Variants in GIGYF2 observed in about 807,000 individuals in gnomAD.
GIGYF2 encodes GRB10 interacting GYF protein 2.
In GIGYF2, 25 loss-of-function variants were observed where a neutral mutation model predicts 208.1. The observed-to-expected ratio is 0.12, with a 90% CI of 0.09 to 0.17. The LOEUF is 0.17. Ranked by LOEUF, GIGYF2 falls within the 10% of genes least tolerant of loss-of-function variation. GIGYF2 has a pLI of 1.00. For synonymous variants in GIGYF2, 534 were observed against 543.8 expected, an observed-to-expected ratio of 0.98 and a Z score of 0.25; for missense variants, 1,302 against 1,579.4, an observed-to-expected ratio of 0.82 and a Z score of 2.98.
intron 2 of GIGYF2, among the ~76,000 whole-genome samples, chr2:232,708,532 T>G (rs1696236065): frequency 6.6e-6 from 1 of 151,876 alleles, no homozygotes; most frequent in African/African-American, 2.4e-5. Context: ...CAGAGAGATG[T>G]GGGTTTGATC....
At position 232,814,398 on chromosome 2, in the gene GIGYF2, T is replaced by G. The variant is rs1700838935; in HGVS notation, c.2108-1239T>G. 2.6e-5 allele frequency among the ~76,000 whole-genome samples: 4 copies of G among 151,476 alleles called. No homozygotes were observed. In the South Asian group the frequency reaches 8.4e-4, roughly 32 times the overall value. ...CAAGATGGTGAAACCCCATCTCTAC[T>G]AAAAATAAAAAAAAATTAGCCAGGT... On this transcript the variant is annotated intron_variant, in intron 18 of 28. Transcript: ENST00000373563.
chr2:232,729,441 T>G, intron 2 of GIGYF2: 2 of 673,462 alleles, frequency 3.0e-6, no homozygotes, highest in Non-Finnish European at 4.4e-6. Flanking sequence ...GATAATTAAA[T>G]AACTTGGTTT....
chr2:232,762,628 CTAAG>C (rs1698792827), intron 8 of GIGYF2, among the ~76,000 whole-genome samples: 2 of 152,086 alleles, frequency 1.3e-5, no homozygotes, highest in Admixed American at 6.5e-5. Flanking sequence ...GTTTTAAAAA[CTAAG>C]TAATTTTAAC....
intron 19 of GIGYF2, 66 bp from the exon 20 acceptor site, chr2:232,816,805 T>C: frequency 8.4e-7 from 1 of 1,185,778 alleles, no homozygotes; most frequent in East Asian, 2.3e-5. Flanking sequence ...ATACTACTGG[T>C]CAGTGCTTTC....
intron 22 of GIGYF2, among the ~76,000 whole-genome samples, chr2:232,837,017 C>A (rs906266644): frequency 1.3e-5 from 2 of 152,190 alleles, no homozygotes; most frequent in Non-Finnish European, 2.9e-5. Flanking sequence ...AGAATAGTAG[C>A]CTCAGGTATT....
chr2:232,781,048 C>G (rs1280250212), intron 8 of GIGYF2, among the ~76,000 whole-genome samples: 1 of 152,022 alleles, frequency 6.6e-6, no homozygotes, highest in Non-Finnish European at 1.5e-5. Flanking sequence ...ACCTCCACCT[C>G]CCGGGTTCAA....
intron 14 of GIGYF2, among the ~76,000 whole-genome samples, chr2:232,802,173 G>A (rs1700419003): frequency 6.6e-6 from 1 of 151,396 alleles, no homozygotes; most frequent in African/African-American, 2.4e-5. Context: ...TAGAAAAAAA[G>A]AATCTAGAAT....
intron 8 of GIGYF2, among the ~76,000 whole-genome samples, chr2:232,785,468 A>G (rs1171751356): frequency 1.3e-5 from 2 of 152,214 alleles, no homozygotes; most frequent in Non-Finnish European, 2.9e-5. Context: ...AAGCTTCTCC[A>G]CGAGGTCTGT....
chr2:232,749,581 G>A (rs1303132653), intron 5 of GIGYF2, among the ~76,000 whole-genome samples: 1 of 152,040 alleles, frequency 6.6e-6, no homozygotes, highest in African/African-American at 2.4e-5. Context: ...AGCGAATTTA[G>A]TGTTGTTCCT....
rs964607816 is a variant in GIGYF2 at position 232,789,747 on chromosome 2, A to G, written c.713-951A>G. Among the ~76,000 whole-genome samples the G allele has an allele frequency of 2.0e-5, 3 of 152,094 alleles. No individual in the cohort carries two copies. In the East Asian group the frequency reaches 5.8e-4, roughly 29 times the overall value. On this transcript the variant is annotated intron_variant, in intron 9 of 28. Coordinates refer to ENST00000373563, the MANE Select transcript of GIGYF2 (RefSeq NM_001103146.3). Reference sequence around the variant, plus strand: ...TCCCCCACAGAGAAAGCAGTCAAGGATGGAAAATTCTAATAGGTTAAAGCC... The same window carrying G: ...TCCCCCACAGAGAAAGCAGTCAAGGGTGGAAAATTCTAATAGGTTAAAGCC...
At chr2:232,794,544 C>T (rs1700166532) in intron 12 of GIGYF2, among the ~76,000 whole-genome samples, 1 of 152,202 alleles carries the variant, frequency 6.6e-6, no homozygotes, top group African/African-American at 2.4e-5. Flanking sequence ...CCTTTTAACT[C>T]TTACCTTTTG....
intron 8 of GIGYF2, chr2:232,766,573 A>C (rs1698971699): frequency 6.6e-6 from 1 of 152,324 alleles, no homozygotes; most frequent in Non-Finnish European, 1.5e-5. Flanking sequence ...TGGGTTGGGA[A>C]AATCTGTTGG....
chr2:232,794,949 A>G lies in GIGYF2; in HGVS notation c.1479+5A>G. The G allele has an allele frequency of 6.2e-7, 1 of 1,603,900 alleles. No homozygotes were observed. The highest frequency in any genetic ancestry group is 8.5e-7 in the Non-Finnish European group (1 of 1,170,858). ...GGTCTCAAACATTTGGAGCAGGTAAAAATCCTGTTAATTCTTTTTGTCTCC... is the reference window on the plus strand; with the variant it reads ...GGTCTCAAACATTTGGAGCAGGTAAGAATCCTGTTAATTCTTTTTGTCTCC... On this transcript the variant is annotated splice_donor_5th_base_variant and intron_variant, in intron 13 of 28. Coordinates refer to ENST00000373563, the MANE Select transcript of GIGYF2 (RefSeq NM_001103146.3).
chr2:232,834,253 T>A (rs992869857), intron 22 of GIGYF2, among the ~76,000 whole-genome samples: 1 of 151,992 alleles, frequency 6.6e-6, no homozygotes, highest in Non-Finnish European at 1.5e-5. Context: ...TACAGTATGG[T>A]GAGTATAGTG....
intron 3 of GIGYF2, 93 bp downstream of exon 3, chr2:232,735,331 GT>G: frequency 2.2e-6 from 2 of 907,154 alleles, no homozygotes; most frequent in South Asian, 2.8e-5. Context: ...AAATGTGCAT[GT>G]TTTTGAAACT....
chr2:232,704,397 T>C (rs1424059424), intron 2 of GIGYF2, among the ~76,000 whole-genome samples: 1 of 152,194 alleles, frequency 6.6e-6, no homozygotes, highest in Non-Finnish European at 1.5e-5. Flanking sequence ...TTATTAGTGC[T>C]GTTTTTTGTT....
At chr2:232,774,506 G>A (rs925483785) in intron 8 of GIGYF2, among the ~76,000 whole-genome samples, 31 of 152,072 alleles carry the variant, frequency 2.0e-4, no homozygotes, top group Non-Finnish European at 2.9e-5. Flanking sequence ...TTTCTGTTTT[G>A]CCAGATGAGA....
At chr2:232,768,211 C>T in intron 8 of GIGYF2, 1 of 1,614,068 alleles carries the variant, frequency 6.2e-7, no homozygotes, top group Non-Finnish European at 8.5e-7. Context: ...AGTCCTGTTT[C>T]AGAGATCTGA....
chr2:232,756,868 C>G (rs989838975), intron 6 of GIGYF2, among the ~76,000 whole-genome samples: 3 of 152,068 alleles, frequency 2.0e-5, no homozygotes, highest in African/African-American at 4.8e-5. Context: ...AAAAATAGTT[C>G]TTATTTTGAT....
Sources: gnomAD v4.1 joint callset for allele counts (sites outside exome capture counted in the v4.1 genomes callset) on GRCh38, gnomAD v4.1.1 for gene constraint, MANE v1.5 for transcripts, NCBI Gene and HGNC (gene_info 2026-07-23, HGNC 2026-07-21) for gene names.